Variants in KAZN observed in about 807,000 individuals in gnomAD.
KAZN encodes kazrin, periplakin interacting protein.
A neutral mutation model predicts 87.4 loss-of-function variants in KAZN; 40 were observed. The ratio of observed to expected loss-of-function variants is 0.46; its 90% confidence interval spans 0.36 to 0.60. The LOEUF (loss-of-function observed/expected upper bound fraction) is 0.60. Among genes scored for constraint, KAZN ranks in the 20% least tolerant of loss-of-function variants. The probability of loss-of-function intolerance (pLI) is 0.00; values close to 1 mark genes in which losing one functional copy is unlikely to be tolerated. For synonymous variants in KAZN, 466 were observed against 458.3 expected, an observed-to-expected ratio of 1.02 and a Z score of -0.22; for missense variants, 898 against 1,073.9, an observed-to-expected ratio of 0.84 and a Z score of 2.29.
intron 1 of KAZN, among the ~76,000 whole-genome samples, chr1:14,747,240 A>G (rs1273863606): frequency 6.6e-6 from 1 of 152,130 alleles, no homozygotes; most frequent in Admixed American, 6.6e-5. Context: ...GGATACATAG[A>G]TAGATAGATA....
At chr1:14,611,680 C>A (rs1178839323) in intron 1 of KAZN, among the ~76,000 whole-genome samples, 1 of 145,166 alleles carries the variant, frequency 6.9e-6, no homozygotes, top group African/African-American at 2.6e-5. Flanking sequence ...TAGAGCAACA[C>A]CCTGTCTCAA....
At chr1:14,620,838 A>T (rs1369277498) in intron 1 of KAZN, among the ~76,000 whole-genome samples, 1 of 152,188 alleles carries the variant, frequency 6.6e-6, no homozygotes, top group African/African-American at 2.4e-5. Flanking sequence ...TGTTGTGAGG[A>T]TCCTCAGAGG....
chr1:14,505,287 A>G (rs575582981), intron 2 of KAZN, among the ~76,000 whole-genome samples: 21 of 152,144 alleles, frequency 1.4e-4, no homozygotes, highest in Non-Finnish European at 2.5e-4. Context: ...GGGTCTGAAC[A>G]TGGTTCCGCC....
intron 8 of KAZN, among the ~76,000 whole-genome samples, chr1:15,092,615 G>A (rs1640607195): frequency 6.6e-6 from 1 of 152,066 alleles, no homozygotes; most frequent in South Asian, 2.1e-4. Flanking sequence ...GGGACCCCAG[G>A]CACACGCCAC....
rs115432338 is a variant in KAZN, at chr1:14,707,498, G to T, written c.226+108275G>T. ...TCTTGTCTTAAAAGGTCTCTTTCTGGAATTCTCCAGAGTCATTTGCTGGTG... is the reference window on the plus strand; with the variant it reads ...TCTTGTCTTAAAAGGTCTCTTTCTGTAATTCTCCAGAGTCATTTGCTGGTG... On this transcript the variant is annotated intron_variant, in intron 1 of 14. Transcript: ENST00000376030. Among the ~76,000 whole-genome samples, 237 of 152,218 alleles carry T rather than the reference G, an allele frequency of 1.6e-3. 1 individual carries two copies. Among genetic ancestry groups the T allele is most frequent in the African/African-American group, 5.5e-3 (228 of 41,530 alleles).
intron 1 of KAZN, among the ~76,000 whole-genome samples, chr1:14,898,050 A>G (rs1655453206): frequency 6.6e-6 from 1 of 152,222 alleles, no homozygotes; most frequent in South Asian, 2.1e-4. Context: ...GAAATGATGG[A>G]TATAAGCACC....
intron 2 of KAZN, among the ~76,000 whole-genome samples, chr1:14,281,414 G>A (rs995367946): frequency 2.6e-5 from 4 of 152,170 alleles, no homozygotes; most frequent in South Asian, 2.1e-4. Context: ...ACTCAGTGCC[G>A]CTGAGCAAAA....
chr1:14,803,860 C>T (rs1646120440), intron 1 of KAZN, among the ~76,000 whole-genome samples: 3 of 152,242 alleles, frequency 2.0e-5, no homozygotes, highest in South Asian at 2.1e-4. Context: ...CCATGCCTTC[C>T]TCTTCCATGT....
chr1:14,101,210 A>G (rs984498009), intron 1 of KAZN, among the ~76,000 whole-genome samples: 11 of 152,226 alleles, frequency 7.2e-5, no homozygotes, highest in Non-Finnish European at 1.0e-4. Context: ...AAAGGGTTGC[A>G]GTCAGGCCTG....
At chr1:14,551,310 G>A (rs1673503300) in intron 2 of KAZN, among the ~76,000 whole-genome samples, 1 of 152,186 alleles carries the variant, frequency 6.6e-6, no homozygotes, top group African/African-American at 2.4e-5. Flanking sequence ...TCCTTGCTAT[G>A]AGGAGCAGTT....
chr1:14,715,636 T>C (rs559823326), intron 1 of KAZN, among the ~76,000 whole-genome samples: 1 of 152,330 alleles, frequency 6.6e-6, no homozygotes, highest in African/African-American at 2.4e-5. Flanking sequence ...CCGAGGACCA[T>C]ATCACCTCTT....
chr1:14,074,252 A>G (rs1052548242), intron 1 of KAZN, among the ~76,000 whole-genome samples: 1 of 152,160 alleles, frequency 6.6e-6, no homozygotes, highest in African/African-American at 2.4e-5. Flanking sequence ...GCTCATGGCT[A>G]CTGGGGAAAG....
chr1:13,997,991 C>T (rs1176424306), intron 1 of KAZN, among the ~76,000 whole-genome samples: 1 of 152,090 alleles, frequency 6.6e-6, no homozygotes, highest in African/African-American at 2.4e-5. Flanking sequence ...GGCCAGGTCA[C>T]CGACAAAGGG....
chr1:15,087,016 G>A (rs1640289845), intron 8 of KAZN, among the ~76,000 whole-genome samples: 1 of 152,210 alleles, frequency 6.6e-6, no homozygotes, highest in African/African-American at 2.4e-5. Context: ...GATGCTACTA[G>A]TCCAGGGACC....
chr1:13,967,528 C>T (rs1641989398), intron 1 of KAZN, among the ~76,000 whole-genome samples: 1 of 152,188 alleles, frequency 6.6e-6, no homozygotes, highest in African/African-American at 2.4e-5. Flanking sequence ...GTCAGACTGT[C>T]CCAGTCAAGT....
At chr1:15,095,689 G>A (rs983367955) in intron 10 of KAZN, among the ~76,000 whole-genome samples, 3 of 141,880 alleles carry the variant, frequency 2.1e-5, no homozygotes, top group African/African-American at 7.8e-5. Context: ...GCATAATTAT[G>A]TCCTTCACTG....
chr1:14,443,568 T>G lies in KAZN; in HGVS notation c.250-155415T>G, dbSNP rs116150242. Among the ~76,000 whole-genome samples, 1,184 of 152,290 alleles carry G rather than the reference T, an allele frequency of 7.8e-3. 14 individuals carry two copies. The highest frequency in any genetic ancestry group is 0.027 in the African/African-American group (1,110 of 41,552). ...GGAGGCCCCTGGCCTTCCTGCCCAC[T>G]CTCCAGGGCTCTGATGGGGTACAAT... On this transcript the variant is annotated intron_variant, in intron 2 of 16. Transcript: ENST00000636203.
chr1:14,813,137 C>A (rs1646462610), intron 1 of KAZN, among the ~76,000 whole-genome samples: 1 of 152,118 alleles, frequency 6.6e-6, no homozygotes, highest in Non-Finnish European at 1.5e-5. Context: ...TGTCTTGAAA[C>A]CTCAGTCTCT....
intron 2 of KAZN, among the ~76,000 whole-genome samples, chr1:14,963,811 T>C (rs1664156324): frequency 6.8e-6 from 1 of 148,114 alleles, no homozygotes; most frequent in South Asian, 2.1e-4. Context: ...CCCCAGTGTG[T>C]GATGTTCCCC....
Sources: gnomAD v4.1 joint callset for allele counts (sites outside exome capture counted in the v4.1 genomes callset) on GRCh38, gnomAD v4.1.1 for gene constraint, MANE v1.5 for transcripts, NCBI Gene and HGNC (gene_info 2026-07-23, HGNC 2026-07-21) for gene names.